The following NEBL variants were observed in gnomAD, a reference collection of about 807,000 sequenced individuals.
NEBL encodes nebulette.
A neutral mutation model predicts 140.2 loss-of-function variants in NEBL; 122 were observed. The observed-to-expected ratio is 0.87, with a 90% CI of 0.75 to 1.01. The LOEUF is 1.01. Among genes scored for constraint, NEBL ranks in the 50% least tolerant of loss-of-function variants. The pLI is 0.00. For missense variants in NEBL, 1,365 were observed against 1,231.3 expected, an observed-to-expected ratio of 1.11 and a Z score of -1.62; for synonymous variants, 436 against 398.9, an observed-to-expected ratio of 1.09 and a Z score of -1.11.
intron 2 of NEBL, among the ~76,000 whole-genome samples, chr10:21,145,763 G>A (rs1192643153): frequency 6.6e-6 from 1 of 152,184 alleles, no homozygotes; most frequent in Non-Finnish European, 1.5e-5. Flanking sequence ...CATTCTGCCT[G>A]CAACAAGGCT....
rs1013608207 is a variant in NEBL, at chr10:21,118,471, C to T, written c.164+53912G>A. ...TTGAAATTATCACAAGATAATAGCA[C>T]AGTATGTAACTCCGAGCTTTTCTCT... is the stretch of plus-strand genomic sequence containing the variant. On this transcript the variant is annotated intron_variant, in intron 2 of 6. Coordinates refer to the NEBL transcript ENST00000417816. Among the ~76,000 whole-genome samples, 5 of 152,150 alleles carry T rather than the reference C, an allele frequency of 3.3e-5. No individual in the cohort carries two copies. The South Asian group carries it at 8.3e-4, about 25-fold the overall frequency.
At chr10:21,117,145 G>T (rs1447175738) in intron 2 of NEBL, among the ~76,000 whole-genome samples, 1 of 151,958 alleles carries the variant, frequency 6.6e-6, no homozygotes, top group Non-Finnish European at 1.5e-5. Flanking sequence ...AAGACCAGAA[G>T]AACTTTTGGT....
chr10:20,799,657 C>T (rs1836905990), intron 26 of NEBL, among the ~76,000 whole-genome samples: 1 of 152,134 alleles, frequency 6.6e-6, no homozygotes. Flanking sequence ...ACATTCTTTA[C>T]AGAAGTCAGG....
At chr10:21,253,365 T>C (rs1420175912) in intron 1 of NEBL, among the ~76,000 whole-genome samples, 1 of 152,040 alleles carries the variant, frequency 6.6e-6, no homozygotes, top group East Asian at 1.9e-4. Context: ...GAGAGATTTA[T>C]AGGTACAGAG....
intron 2 of NEBL, among the ~76,000 whole-genome samples, chr10:21,093,221 C>T (rs1158877176): frequency 2.4e-5 from 3 of 122,590 alleles, no homozygotes; most frequent in African/African-American, 9.3e-5. Flanking sequence ...TTTCACTTGG[C>T]TGTTTCTGCC....
intron 2 of NEBL, among the ~76,000 whole-genome samples, chr10:21,114,696 T>A (rs1188274105): frequency 6.6e-6 from 1 of 152,072 alleles, no homozygotes; most frequent in Non-Finnish European, 1.5e-5. Context: ...CGTTGTCCCA[T>A]ATGCATACAG....
chr10:20,845,561 A>G, intron 11 of NEBL, 193 bp from the exon 12 acceptor site: 2 of 539,040 alleles, frequency 3.7e-6, no homozygotes, highest in South Asian at 4.3e-5. Flanking sequence ...AAGGAGAATT[A>G]TTAAGTGGAC....
At chr10:21,205,191 A>T (rs1841807032) in intron 3 of NEBL, among the ~76,000 whole-genome samples, 1 of 152,222 alleles carries the variant, frequency 6.6e-6, no homozygotes, top group Non-Finnish European at 1.5e-5. Context: ...GCAAATTGGT[A>T]CATGACCCTG....
chr10:20,815,030 G>T (rs1391279710), intron 22 of NEBL, among the ~76,000 whole-genome samples: 1 of 152,154 alleles, frequency 6.6e-6, no homozygotes, highest in African/African-American at 2.4e-5. Flanking sequence ...AACTGATTAG[G>T]TGTAAGATAT....
At chr10:20,963,242 A>G (rs1489037626) in intron 3 of NEBL, among the ~76,000 whole-genome samples, 2 of 152,212 alleles carry the variant, frequency 1.3e-5, no homozygotes, top group African/African-American at 4.8e-5. Flanking sequence ...ATGGGTAAAG[A>G]TCCACATGCT....
intron 2 of NEBL, among the ~76,000 whole-genome samples, chr10:20,896,124 T>C (rs1847449599): frequency 6.6e-6 from 1 of 152,056 alleles, no homozygotes; most frequent in South Asian, 2.1e-4. Flanking sequence ...ACAACCAGTA[T>C]TGTGCTCATC....
intron 2 of NEBL, among the ~76,000 whole-genome samples, chr10:21,084,546 G>A (rs372346639): frequency 8.6e-5 from 13 of 151,748 alleles, no homozygotes; most frequent in African/African-American, 2.2e-4. Flanking sequence ...GCAGTGAGCC[G>A]AGATCGTGCC....
intron 9 of NEBL, among the ~76,000 whole-genome samples, chr10:20,853,857 A>G (rs1292033800): frequency 6.6e-6 from 1 of 152,184 alleles, no homozygotes; most frequent in African/African-American, 2.4e-5. Context: ...ACAATAATTT[A>G]TTGTACATTT....
chr10:21,043,692 C>T (rs1256741998), intron 2 of NEBL, among the ~76,000 whole-genome samples: 1 of 152,102 alleles, frequency 6.6e-6, no homozygotes, highest in East Asian at 1.9e-4. Flanking sequence ...AACTGTCACT[C>T]CCCAGCAACA....
At chr10:21,069,958 G>A (rs764652401) in intron 2 of NEBL, 24 of 456,076 alleles carry the variant, frequency 5.3e-5, no homozygotes, top group South Asian at 3.7e-4. Context: ...ACTTACAGCG[G>A]CTTAGGGACT....
At chr10:21,194,195 C>A (rs903619571) in intron 3 of NEBL, among the ~76,000 whole-genome samples, 2 of 152,038 alleles carry the variant, frequency 1.3e-5, no homozygotes, top group African/African-American at 4.8e-5. Context: ...TGGTCTCGAA[C>A]TTCTGGCCCC....
intron 2 of NEBL, among the ~76,000 whole-genome samples, chr10:21,132,435 C>A (rs1839158291): frequency 6.6e-6 from 1 of 152,110 alleles, no homozygotes; most frequent in African/African-American, 2.4e-5. Flanking sequence ...ATGCATAATG[C>A]TTCTGTGAAC....
At chr10:20,961,341 G>T (rs1426866850) in intron 4 of NEBL, among the ~76,000 whole-genome samples, 1 of 152,020 alleles carries the variant, frequency 6.6e-6, no homozygotes, top group Admixed American at 6.6e-5. Flanking sequence ...AACCTTATAT[G>T]TATATTTTAT....
At chr10:21,192,988 G>A (rs1360646145) in intron 3 of NEBL, among the ~76,000 whole-genome samples, 1 of 152,170 alleles carries the variant, frequency 6.6e-6, no homozygotes, top group Non-Finnish European at 1.5e-5. Flanking sequence ...TTCCAGAGGT[G>A]GAAAATCTCC....
Sources: gnomAD v4.1 joint callset for allele counts (sites outside exome capture counted in the v4.1 genomes callset) on GRCh38, gnomAD v4.1.1 for gene constraint, MANE v1.5 for transcripts, NCBI Gene and HGNC (gene_info 2026-07-23, HGNC 2026-07-21) for gene names.